LRRC8D: variants seen among roughly 807,000 people sequenced by gnomAD.
LRRC8D encodes the protein leucine rich repeat containing 8 VRAC subunit D.
A neutral mutation model predicts 55.8 loss-of-function variants in LRRC8D; 20 were observed. That is an observed-to-expected ratio of 0.36 (90% confidence interval 0.25 to 0.52). The LOEUF is 0.52. Among genes scored for constraint, LRRC8D ranks in the 20% least tolerant of loss-of-function variants. LRRC8D has a pLI of 0.93. For missense variants in LRRC8D, 651 were observed against 1,030.8 expected, an observed-to-expected ratio of 0.63 and a Z score of 5.05; for synonymous variants, 352 against 377.0, an observed-to-expected ratio of 0.93 and a Z score of 0.77.
intron 1 of LRRC8D, among the ~76,000 whole-genome samples, chr1:89,841,073 T>C (rs1176288196): frequency 2.0e-5 from 3 of 152,120 alleles, no homozygotes; most frequent in African/African-American, 4.8e-5. Flanking sequence ...GGAAGAAGTA[T>C]TAAGTTTGTG....
intron 2 of LRRC8D, among the ~76,000 whole-genome samples, chr1:89,894,940 C>T (rs1662668418): frequency 6.6e-6 from 1 of 152,050 alleles, no homozygotes; most frequent in Admixed American, 6.5e-5. Flanking sequence ...AAATAGTGCT[C>T]ATATTCTTTC....
At chr1:89,924,697 T>A (rs1463869130) in intron 2 of LRRC8D, among the ~76,000 whole-genome samples, 1 of 152,136 alleles carries the variant, frequency 6.6e-6, no homozygotes, top group Non-Finnish European at 1.5e-5. Flanking sequence ...ATTTTTTTTT[T>A]AATATGGTAC....
chr1:89,914,404 C>CA (rs1364170675), intron 2 of LRRC8D, among the ~76,000 whole-genome samples: 147 of 152,304 alleles, frequency 9.7e-4, no homozygotes, highest in African/African-American at 3.4e-3. Context: ...GAAAGGGGCT[C>CA]CCACAGTGCA....
chr1:89,843,597 G>GTA, intron 1 of LRRC8D, 41 bp from the exon 2 acceptor site: 3 of 694,622 alleles, frequency 4.3e-6, no homozygotes, highest in Admixed American at 2.0e-5. Flanking sequence ...GCCGACACTT[G>GTA]GATCTCTCTA....
Position 89,935,391 on chromosome 1 carries a change from A to G in LRRC8D, c.2323A>G (p.Ile775Val). 6.2e-7 allele frequency: 1 copy of G among 1,614,280 alleles called. No individual in the cohort carries two copies. ...TCTGCCAAAACAATTGTTTAAATGCATAAAGTTGAGGACTTTGAATCTGGG... is the reference window on the plus strand; with the variant it reads ...TCTGCCAAAACAATTGTTTAAATGCGTAAAGTTGAGGACTTTGAATCTGGG... ...DILPKQLFKC[I>V]KLRTLNLGQN... The change falls in exon 3 of 3, where the codon ATA (isoleucine) becomes GTA (valine). Residue 775 changes from isoleucine to valine, a missense_variant. Ile to Val is a conservative substitution (Grantham distance 29). Coordinates refer to ENST00000337338, the MANE Select transcript of LRRC8D (RefSeq NM_001134479.2).
At chr1:89,855,783 T>G (rs927913233) in intron 2 of LRRC8D, among the ~76,000 whole-genome samples, 7 of 152,210 alleles carry the variant, frequency 4.6e-5, no homozygotes, top group Admixed American at 3.9e-4. Flanking sequence ...GTTAAAACAT[T>G]GTTCATAAAT....
chr1:89,906,223 T>A (rs72716345), intron 2 of LRRC8D, among the ~76,000 whole-genome samples: 7,512 of 152,258 alleles, frequency 0.049, 206 homozygotes, highest in East Asian at 0.13. Flanking sequence ...GAACAATTCC[T>A]CTTTATAAAA....
intron 2 of LRRC8D, among the ~76,000 whole-genome samples, chr1:89,897,587 C>A (rs1231738794): frequency 1.3e-5 from 2 of 152,118 alleles, no homozygotes; most frequent in African/African-American, 2.4e-5. Flanking sequence ...TCTATACACA[C>A]GCAGGACCTA....
intron 1 of LRRC8D, among the ~76,000 whole-genome samples, chr1:89,838,628 C>T (rs4658337): frequency 0.64 from 96,905 of 152,038 alleles, 34,460 homozygotes; most frequent in East Asian, 0.83. Flanking sequence ...TGCATTTAGT[C>T]AGAATTTTGG....
intron 2 of LRRC8D, among the ~76,000 whole-genome samples, chr1:89,914,099 G>A (rs1266835619): frequency 6.6e-6 from 1 of 152,222 alleles, no homozygotes; most frequent in Non-Finnish European, 1.5e-5. Context: ...TAAAAGGTCA[G>A]TCCCCTTGGT....
chr1:89,843,988 C>T (rs1245399366), intron 2 of LRRC8D, among the ~76,000 whole-genome samples: 2 of 152,234 alleles, frequency 1.3e-5, no homozygotes, highest in East Asian at 3.8e-4. Context: ...GCGTGCGCTG[C>T]GGAGCCGCCT....
intron 2 of LRRC8D, among the ~76,000 whole-genome samples, chr1:89,877,919 G>A (rs1313187547): frequency 6.6e-6 from 1 of 152,234 alleles, no homozygotes; most frequent in Non-Finnish European, 1.5e-5. Flanking sequence ...AGACGTGTCA[G>A]AATCTCCTAA....
intron 2 of LRRC8D, among the ~76,000 whole-genome samples, chr1:89,868,468 A>G (rs1188171006): frequency 2.0e-5 from 3 of 152,202 alleles, no homozygotes; most frequent in African/African-American, 4.8e-5. Context: ...CATGAAAGGT[A>G]TATGTGAATT....
intron 2 of LRRC8D, among the ~76,000 whole-genome samples, chr1:89,899,981 G>T (rs1171107456): frequency 6.6e-6 from 1 of 152,194 alleles, no homozygotes; most frequent in Non-Finnish European, 1.5e-5. Context: ...GGAAACAAAC[G>T]TGAATGAATT....
At chr1:89,886,900 A>G (rs1274335401) in intron 2 of LRRC8D, among the ~76,000 whole-genome samples, 1 of 152,184 alleles carries the variant, frequency 6.6e-6, no homozygotes, top group Non-Finnish European at 1.5e-5. Context: ...TTATAATCAA[A>G]AAGTCACTTT....
At chr1:89,864,550 G>A (rs1260367244) in intron 2 of LRRC8D, among the ~76,000 whole-genome samples, 1 of 152,064 alleles carries the variant, frequency 6.6e-6, no homozygotes, top group East Asian at 1.9e-4. Context: ...GTGGGCTGCT[G>A]CAGTCCACAG....
intron 2 of LRRC8D, among the ~76,000 whole-genome samples, chr1:89,914,951 C>G (rs892502134): frequency 9.9e-5 from 15 of 151,892 alleles, no homozygotes; most frequent in African/African-American, 3.6e-4. Context: ...TTCCAAACTA[C>G]TTAAGATAAG....
rs750465884 is a variant in LRRC8D, at chr1:89,934,500, A to G, written c.1432A>G (p.Met478Val). ...AQDKQELHLFMLSGVPDAVFD... is the reference protein window; with the variant it reads ...AQDKQELHLFVLSGVPDAVFD... ...GGACAAGCAGGAGTTGCATCTGTTC[A>G]TGCTGTCGGGGGTGCCCGATGCTGT... The change falls in exon 3 of 3, where the codon ATG (methionine) becomes GTG (valine). Residue 478 changes from methionine (M) to valine (V), a missense_variant. Around this residue, in one of 5 missense-constraint regions of LRRC8D, gnomAD observed 338 missense variants for 479.4 expected, o/e 0.71. Coordinates refer to ENST00000337338, the MANE Select transcript of LRRC8D (RefSeq NM_001134479.2). The surrounding 1 kb of genome is among the most constrained non-coding windows in gnomAD (Gnocchi z 5.9). 6.2e-7 allele frequency: 1 copy of G among 1,614,182 alleles called. No homozygotes were observed. The highest frequency in any genetic ancestry group is 8.5e-7 in the Non-Finnish European group (1 of 1,180,030).
chr1:89,905,439 A>G (rs891506805), intron 2 of LRRC8D, among the ~76,000 whole-genome samples: 1 of 152,192 alleles, frequency 6.6e-6, no homozygotes, highest in Non-Finnish European at 1.5e-5. Flanking sequence ...ATTTTTGCAC[A>G]TATATCTTTA....
Sources: allele counts gnomAD v4.1 joint callset (sites outside exome capture counted in the v4.1 genomes callset), GRCh38; gene constraint gnomAD v4.1.1; regional missense constraint gnomAD v4.1.1; non-coding constraint Gnocchi (gnomAD v3.1); transcripts MANE v1.5; gene names NCBI Gene and HGNC (gene_info 2026-07-23, HGNC 2026-07-21).